The following AGAP4 variants were observed in gnomAD, a reference collection of about 807,000 sequenced individuals.
AGAP4 encodes the protein arf-GAP with GTPase, ANK repeat and PH domain-containing protein 4.
A neutral mutation model predicts 60.7 loss-of-function variants in AGAP4; 13 were observed. The ratio of observed to expected loss-of-function variants is 0.21; its 90% CI spans 0.14 to 0.34. The LOEUF (loss-of-function observed/expected upper bound fraction) is 0.34. Ranked by LOEUF, AGAP4 falls within the 10% of genes least tolerant of loss-of-function variation. The pLI, the probability that AGAP4 is intolerant of heterozygous loss-of-function variation, is 1.00. For missense variants in AGAP4, 169 were observed against 884.0 expected, an observed-to-expected ratio of 0.19 and a Z score of 10.26; for synonymous variants, 70 against 339.0, an observed-to-expected ratio of 0.21 and a Z score of 8.72.
intron 2 of AGAP4, among the ~76,000 whole-genome samples, chr10:45,845,548 G>A (rs1554899295): frequency 8.9e-6 from 1 of 112,916 alleles, no homozygotes; most frequent in Admixed American, 8.1e-5. Flanking sequence ...CTTTTCTACC[G>A]GCTCCCATCC....
At chr10:45,850,587 G>A (rs1407740349), upstream of AGAP4, among the ~76,000 whole-genome samples, 1 of 152,246 alleles carries the variant, frequency 6.6e-6, no homozygotes, top group African/African-American at 2.4e-5. Context: ...CAAATTAAGA[G>A]ACTTTCTCTA....
intron 4 of AGAP4, among the ~76,000 whole-genome samples, chr10:45,834,874 C>T (rs1172978756): frequency 6.8e-6 from 1 of 146,424 alleles, no homozygotes; most frequent in Non-Finnish European, 1.5e-5. Flanking sequence ...CCCGGGTTCA[C>T]GCCATTCTCC....
rs782427868 is a variant in AGAP4, at chr10:45,826,602, C to T, written c.1374G>A (p.Leu458=). The change falls in exon 8 of 8, where the codon CTG becomes CTA. Residue 458 remains leucine (L), a synonymous_variant. Coordinates refer to ENST00000616763, the MANE Select transcript of AGAP4 (RefSeq NM_001276343.3). ...GGGCCATGGCCTTGCTCTGGCTGGT[C>T]AGCTGGGACTTGCTTTTACTGCTCT... ...SCESSKSKSQ[L]TSQSKAMALQ... 2.9e-6 allele frequency: 4 copies of T among 1,395,662 alleles called. 1 individual carries two copies. The East Asian group carries it at 1.1e-4, about 37-fold the overall frequency. 86.5% of individuals were successfully genotyped at this position (1,395,662 alleles called of 1,614,324 possible). A position where few individuals can be genotyped will look rare whatever the true frequency, so the allele number is the denominator to read the frequency against.
chr10:45,834,691 A>G (rs1554897570), intron 4 of AGAP4, among the ~76,000 whole-genome samples: 1 of 126,474 alleles, frequency 7.9e-6, no homozygotes, highest in African/African-American at 3.4e-5. Context: ...AAAAAAAAAA[A>G]AAAAAAAGAA....
At chr10:45,840,092 A>G (rs1184507724) in intron 4 of AGAP4, among the ~76,000 whole-genome samples, 1 of 149,692 alleles carries the variant, frequency 6.7e-6, no homozygotes, top group Admixed American at 6.6e-5. Context: ...AGTAGCCTCA[A>G]TAAAATGAAA....
In AGAP4 at chr10:45,831,997, C is replaced by T. The variant is rs1304317703; in HGVS notation, c.498-568G>A. On this transcript the variant is annotated intron_variant, in intron 5 of 7. Transcript: ENST00000616763. Reference sequence around the variant, plus strand: ...TGATCTCGGCTCACCACAACCTCTGCCTCCCAGGTTCAAGAGATTCTCCTG... The same window carrying T: ...TGATCTCGGCTCACCACAACCTCTGTCTCCCAGGTTCAAGAGATTCTCCTG... 3.3e-4 allele frequency among the ~76,000 whole-genome samples: 46 copies of T among 140,356 alleles called. 2 individuals are homozygous for T. The highest frequency in any genetic ancestry group is 6.5e-4 in the Non-Finnish European group (41 of 63,430). 92.1% of individuals were successfully genotyped at this position (140,356 alleles called of 152,430 possible). A position where few individuals can be genotyped will look rare whatever the true frequency, so the allele number is the denominator to read the frequency against.
chr10:45,828,506 T>C (rs1162898734), intron 6 of AGAP4, among the ~76,000 whole-genome samples: 1 of 147,342 alleles, frequency 6.8e-6, no homozygotes, highest in Non-Finnish European at 1.5e-5. Context: ...TTATGTACTT[T>C]CTGTTGTTTG....
At chr10:45,851,532 T>C (rs1386533317), upstream of AGAP4, among the ~76,000 whole-genome samples, 3 of 151,764 alleles carry the variant, frequency 2.0e-5, 1 homozygote, top group Non-Finnish European at 4.4e-5. Flanking sequence ...GTGGGTAAAG[T>C]AGTGAACTGG....
At chr10:45,840,018 T>C (rs2058891552) in intron 4 of AGAP4, among the ~76,000 whole-genome samples, 1 of 148,726 alleles carries the variant, frequency 6.7e-6, no homozygotes, top group Non-Finnish European at 1.5e-5. Flanking sequence ...AACAAGACTA[T>C]CAGTAAAAAA....
upstream of AGAP4, among the ~76,000 whole-genome samples, chr10:45,852,170 C>T (rs1160148934): frequency 6.7e-6 from 1 of 148,388 alleles, no homozygotes; most frequent in Non-Finnish European, 1.5e-5. Context: ...CCTCGGCCTC[C>T]CACAGTCTGG....
At chr10:45,834,166 C>G in intron 4 of AGAP4, 50 bp from the exon 5 acceptor site, 5 of 1,346,822 alleles carry the variant, frequency 3.7e-6, no homozygotes, top group Non-Finnish European at 5.1e-6. Context: ...GTATTATTTT[C>G]TCAGTTAAAA....
intron 2 of AGAP4, 61 bp from the exon 3 acceptor site, chr10:45,844,455 C>T (rs1303355210): frequency 1.6e-5 from 26 of 1,591,256 alleles, no homozygotes; most frequent in East Asian, 4.5e-5. Flanking sequence ...TTTATCAACT[C>T]GTTTATTCGA....
chr10:45,839,274 A>G (rs1239226280), intron 4 of AGAP4, among the ~76,000 whole-genome samples: 2 of 117,588 alleles, frequency 1.7e-5, no homozygotes, highest in African/African-American at 2.8e-5. Flanking sequence ...TTGCAGAACT[A>G]AAGGCAGGTT....
At chr10:45,832,484 T>C (rs1177688935) in intron 5 of AGAP4, among the ~76,000 whole-genome samples, 2 of 147,006 alleles carry the variant, frequency 1.4e-5, no homozygotes, top group African/African-American at 5.0e-5. Context: ...TTTAATTTAA[T>C]TAGTATTGGG....
chr10:45,848,888 A>C (rs1242966200), upstream of AGAP4: 1 of 150,222 alleles, frequency 6.7e-6, no homozygotes, highest in Non-Finnish European at 1.5e-5. Context: ...GGCCGCACAG[A>C]GAGTGGGAAC....
intron 4 of AGAP4, among the ~76,000 whole-genome samples, chr10:45,836,883 G>A (rs1180138943): frequency 8.2e-6 from 1 of 122,594 alleles, no homozygotes; most frequent in African/African-American, 3.4e-5. Flanking sequence ...TTTTTTTTTT[G>A]AGATGGAGTC....
intron 1 of AGAP4, among the ~76,000 whole-genome samples, chr10:45,852,673 G>A (rs1224548295): frequency 2.0e-5 from 3 of 151,468 alleles, no homozygotes; most frequent in Admixed American, 2.0e-4. Context: ...AATGTTTGAG[G>A]ACAAAAATAG....
Position 45,834,871 on chromosome 10 carries a change from TC to T in AGAP4, c.397-756del, listed in dbSNP as rs1403779591. Among the ~76,000 whole-genome samples, 8 of 146,468 alleles carry T rather than the reference TC, an allele frequency of 5.5e-5. 1 individual carries two copies. The highest frequency in any genetic ancestry group is 2.2e-4 in the African/African-American group (8 of 36,860). ...TCACTGCAAGCTCCGCCTCCCGGGTTCACGCCATTCTCCTGACTCAGCCTCC... is the reference window on the plus strand; with the variant it reads ...TCACTGCAAGCTCCGCCTCCCGGGTTACGCCATTCTCCTGACTCAGCCTCC... On this transcript the variant is annotated intron_variant, in intron 4 of 7. Transcript: ENST00000616763.
At chr10:45,843,189 C>T (rs1462455088) in intron 3 of AGAP4, among the ~76,000 whole-genome samples, 1 of 116,882 alleles carries the variant, frequency 8.6e-6, no homozygotes, top group Non-Finnish European at 1.7e-5. Context: ...CCCAACTACT[C>T]GGGAGGCTGA....
Sources: gnomAD v4.1 joint callset for allele counts (sites outside exome capture counted in the v4.1 genomes callset) on GRCh38, gnomAD v4.1.1 for gene constraint, MANE v1.5 for transcripts, NCBI Gene and HGNC (gene_info 2026-07-23, HGNC 2026-07-21) for gene names.